GABRA2: variants seen among roughly 807,000 people sequenced by gnomAD.
The protein encoded by GABRA2 is gamma-aminobutyric acid receptor subunit alpha-2.
A neutral mutation model predicts 48.7 loss-of-function variants in GABRA2; 16 were observed. That is an observed-to-expected ratio of 0.33 (90% CI 0.22 to 0.50). The LOEUF is 0.50. Among genes scored for constraint, GABRA2 ranks in the 20% least tolerant of loss-of-function variants. The pLI, the probability that GABRA2 is intolerant of heterozygous loss-of-function variation, is 0.98. For missense variants in GABRA2, 275 were observed against 535.6 expected (o/e 0.51, Z 4.80); for synonymous variants, 185 against 184.5 (o/e 1.00, Z -0.02).
rs112636453 is a variant in GABRA2 at position 46,250,078 on chromosome 4, G to A, written c.*230C>T. 2.8e-3 allele frequency: 1,325 copies of A among 465,634 alleles called. 18 individuals carry two copies. The highest frequency in any genetic ancestry group is 0.023 in the African/African-American group (1,182 of 50,688). 28.8% of individuals were successfully genotyped at this position (465,634 alleles called of 1,614,324 possible). ...AAATTCACTTTAAATCAGGTCCTAG[G>A]GTAAATCTTTAAAAAAGGCAATGGC... On this transcript the variant is annotated 3_prime_UTR_variant, in exon 10 of 10. Coordinates refer to ENST00000381620, the MANE Select transcript of GABRA2 (RefSeq NM_000807.4).
chr4:46,264,986 C>CATATATATATATATATATATATATAT (rs72160209), intron 8 of GABRA2, among the ~76,000 whole-genome samples: 2,735 of 107,090 alleles, frequency 0.026, 221 homozygotes, highest in South Asian at 0.044. Context: ...TTACTTTATA[C>CATATATATATATATATATATATATAT]ATATATATAT....
intron 1 of GABRA2, chr4:46,389,413 A>C: frequency 2.0e-6 from 2 of 985,408 alleles, no homozygotes; most frequent in Non-Finnish European, 2.4e-6. Flanking sequence ...TCACAATAAG[A>C]GAAGGCGCGT....
rs549917856 is a variant in GABRA2 at position 46,338,605 on chromosome 4, T to C, written c.188-5923A>G. On this transcript the variant is annotated intron_variant, in intron 3 of 9. Coordinates refer to ENST00000381620, the MANE Select transcript of GABRA2 (RefSeq NM_000807.4). ...CCCAAAGTGAGGTATCCACAATAAATGGGAAGAGAAATATCTGATTTTCTG... is the reference window on the plus strand; with the variant it reads ...CCCAAAGTGAGGTATCCACAATAAACGGGAAGAGAAATATCTGATTTTCTG... 2.0e-5 allele frequency among the ~76,000 whole-genome samples: 3 copies of C among 151,982 alleles called. No homozygotes were observed. In the South Asian group the frequency reaches 6.2e-4, roughly 32 times the overall value.
At chr4:46,353,452 G>T (rs1735475817) in intron 3 of GABRA2, among the ~76,000 whole-genome samples, 1 of 152,056 alleles carries the variant, frequency 6.6e-6, no homozygotes, top group Non-Finnish European at 1.5e-5. Context: ...ACTTTGCAAT[G>T]ATTTCTCATT....
chr4:46,260,237 T>C (rs1209155116), intron 9 of GABRA2, among the ~76,000 whole-genome samples: 1 of 151,854 alleles, frequency 6.6e-6, no homozygotes, highest in Non-Finnish European at 1.5e-5. Context: ...TTTCCTGAAG[T>C]AAACCACAAG....
rs977977204 is a variant in GABRA2, at chr4:46,389,913, G to C, written c.-189C>G. 2.0e-6 allele frequency: 2 copies of C among 987,078 alleles called. No homozygotes were observed. Among genetic ancestry groups the C allele is most frequent in the Non-Finnish European group, 2.4e-6 (2 of 831,422 alleles). The allele number at this position is 987,078 out of a possible 1,614,324, so 61.1% of individuals were successfully genotyped here. A position where few individuals can be genotyped will look rare whatever the true frequency, so the allele number is the denominator to read the frequency against. On this transcript the variant is annotated 5_prime_UTR_variant, in exon 1 of 10. Coordinates refer to ENST00000381620, the MANE Select transcript of GABRA2 (RefSeq NM_000807.4). ...GTGGAGCGATGGGCTGGTGGAAGCCGGAGAGGAGCGCTAGGAGCCGCGGCG... is the reference window on the plus strand; with the variant it reads ...GTGGAGCGATGGGCTGGTGGAAGCCCGAGAGGAGCGCTAGGAGCCGCGGCG...
At chr4:46,366,172 G>T (rs917934359) in intron 3 of GABRA2, 1 of 152,044 alleles carries the variant, frequency 6.6e-6, no homozygotes, top group African/African-American at 2.4e-5. Flanking sequence ...AATCAGCAGT[G>T]AGAGTAACAG....
chr4:46,363,656 T>C (rs1473282150), intron 3 of GABRA2: 2 of 152,190 alleles, frequency 1.3e-5, no homozygotes, highest in Admixed American at 1.3e-4. Flanking sequence ...TATGTTAACA[T>C]TTTGAGAATG....
rs552471641 is a variant in GABRA2 at position 46,350,121 on chromosome 4, CTAAGA to C, written c.188-17444_188-17440del. ...TTTTATCATCATCCAAATTCAACAGCTAAGATGAGACAGATCTGCATTGAAATATT... is the reference window on the plus strand; with the variant it reads ...TTTTATCATCATCCAAATTCAACAGCTGAGACAGATCTGCATTGAAATATT... On this transcript the variant is annotated intron_variant, in intron 3 of 9. Transcript: ENST00000381620. Among the ~76,000 whole-genome samples, 341 of 152,012 alleles carry C rather than the reference CTAAGA, an allele frequency of 2.2e-3. 3 individuals are homozygous for C. Among genetic ancestry groups the C allele is most frequent in the African/African-American group, 8.0e-3 (334 of 41,516 alleles).
chr4:46,303,752 T>G (rs946445925), intron 7 of GABRA2, 140 bp from the exon 8 acceptor site: 1 of 714,776 alleles, frequency 1.4e-6, no homozygotes, highest in African/African-American at 1.8e-5. Context: ...TTTATATCAC[T>G]TTTAAAAGCC....
intron 8 of GABRA2, among the ~76,000 whole-genome samples, chr4:46,293,909 A>G (rs558855799): frequency 2.6e-5 from 4 of 152,346 alleles, no homozygotes; most frequent in African/African-American, 9.6e-5. Context: ...GATTATCATA[A>G]GCTTAACTAA....
intron 4 of GABRA2, among the ~76,000 whole-genome samples, chr4:46,315,908 T>G (rs928156289): frequency 2.0e-5 from 3 of 150,046 alleles, no homozygotes; most frequent in Non-Finnish European, 4.4e-5. Context: ...TGTACACCCT[T>G]CCCATACATG....
intron 3 of GABRA2, among the ~76,000 whole-genome samples, chr4:46,383,945 C>A (rs1057477998): frequency 6.6e-6 from 1 of 152,056 alleles, no homozygotes; most frequent in Admixed American, 6.6e-5. Flanking sequence ...CTGTGGAAAT[C>A]CTTGTTAAAT....
chr4:46,385,463 T>C (rs1717322005), intron 3 of GABRA2, among the ~76,000 whole-genome samples: 1 of 152,014 alleles, frequency 6.6e-6, no homozygotes. Flanking sequence ...TTTTTCTGAA[T>C]AAAAAATGTT....
intron 3 of GABRA2, chr4:46,363,857 AC>A (rs1221469830): frequency 6.6e-6 from 1 of 152,196 alleles, no homozygotes; most frequent in African/African-American, 2.4e-5. Context: ...TTGAGGTATA[AC>A]TGATAGTTAT....
intron 8 of GABRA2, among the ~76,000 whole-genome samples, chr4:46,288,390 G>A (rs570651151): frequency 6.6e-6 from 1 of 152,212 alleles, no homozygotes; most frequent in Admixed American, 6.5e-5. Context: ...GAAATAGGAT[G>A]ATGTCAACTG....
intron 8 of GABRA2, among the ~76,000 whole-genome samples, chr4:46,301,975 A>G (rs1030624826): frequency 2.0e-5 from 3 of 152,200 alleles, no homozygotes; most frequent in African/African-American, 7.2e-5. Flanking sequence ...TCCAAAAAGC[A>G]GTAACCAAAT....
chr4:46,260,878 GA>G (rs1716821317), intron 9 of GABRA2: 1 of 151,644 alleles, frequency 6.6e-6, no homozygotes, highest in African/African-American at 2.4e-5. Flanking sequence ...CAAAATTAAG[GA>G]AAAAGACCAA....
chr4:46,362,153 G>A (rs1484787972), intron 3 of GABRA2, among the ~76,000 whole-genome samples: 1 of 152,004 alleles, frequency 6.6e-6, no homozygotes, highest in Non-Finnish European at 1.5e-5. Context: ...GATTTGGGAG[G>A]GGCTGGGGTG....
Sources: gnomAD v4.1 joint callset for allele counts (sites outside exome capture counted in the v4.1 genomes callset) on GRCh38, gnomAD v4.1.1 for gene constraint, MANE v1.5 for transcripts, NCBI Gene and HGNC (gene_info 2026-07-23, HGNC 2026-07-21) for gene names.